Variants in PSMA3 observed in about 807,000 individuals in gnomAD.
PSMA3 encodes the protein proteasome 20S subunit alpha 3.
A neutral mutation model predicts 40.0 loss-of-function variants in PSMA3; 8 were observed. That is an observed-to-expected ratio of 0.20 (90% CI 0.12 to 0.36). The LOEUF (loss-of-function observed/expected upper bound fraction) is 0.36. PSMA3 is among the 10% of genes least tolerant of loss of function. The pLI, the probability that PSMA3 is intolerant of heterozygous loss-of-function variation, is 1.00. For synonymous variants in PSMA3, 110 were observed against 100.0 expected, an observed-to-expected ratio of 1.10 and a Z score of -0.59; for missense variants, 219 against 310.6, an observed-to-expected ratio of 0.70 and a Z score of 2.22.
intron 7 of PSMA3, chr14:58,265,055 G>A (rs527293850): frequency 6.6e-6 from 1 of 152,308 alleles, no homozygotes; most frequent in East Asian, 1.9e-4. Flanking sequence ...GAGCCCAGTA[G>A]TTCCAAGACC....
intron 5 of PSMA3, among the ~76,000 whole-genome samples, chr14:58,259,593 G>C (rs1890224523): frequency 6.6e-6 from 1 of 152,202 alleles, no homozygotes; most frequent in Non-Finnish European, 1.5e-5. Flanking sequence ...TTACAGGCGT[G>C]AGCCACCGCA....
intron 7 of PSMA3, among the ~76,000 whole-genome samples, chr14:58,264,462 A>G (rs767404452): frequency 2.6e-5 from 4 of 152,182 alleles, no homozygotes; most frequent in Non-Finnish European, 4.4e-5. Flanking sequence ...GCGTTGATCA[A>G]CTTAAAGACT....
intron 7 of PSMA3, 81 bp from the exon 8 acceptor site, chr14:58,267,393 T>A: frequency 1.5e-6 from 2 of 1,350,556 alleles, no homozygotes; most frequent in South Asian, 2.2e-5. Flanking sequence ...TGGTTTTATA[T>A]CTGAGTATAA....
intron 3 of PSMA3, among the ~76,000 whole-genome samples, chr14:58,255,628 G>A (rs930799656): frequency 1.3e-5 from 2 of 152,154 alleles, no homozygotes; most frequent in African/African-American, 4.8e-5. Flanking sequence ...AATTAGCCGG[G>A]CGTGGTGGCG....
At chr14:58,271,598 G>A (rs1311304745) in intron 10 of PSMA3, among the ~76,000 whole-genome samples, 1 of 152,074 alleles carries the variant, frequency 6.6e-6, no homozygotes, top group African/African-American at 2.4e-5. Flanking sequence ...CCCCCGTAAA[G>A]TGCTGGGATT....
intron 8 of PSMA3, chr14:58,270,204 T>C (rs1296014887): frequency 1.6e-6 from 1 of 644,712 alleles, no homozygotes. Context: ...ATTAGGTATA[T>C]TCAACATTTG....
rs1342086412 is a variant in PSMA3, at chr14:58,257,734, T to C, written c.229-11T>C. Reference sequence around the variant, plus strand: ...ATGTGTTCCTCTAGTAAATTGGTGCTTTTTTTTCAGGCAGTAGCAGGTTTG... The same window carrying C: ...ATGTGTTCCTCTAGTAAATTGGTGCCTTTTTTTCAGGCAGTAGCAGGTTTG... On this transcript the variant is annotated splice_polypyrimidine_tract_variant and intron_variant, in intron 3 of 10. Coordinates refer to ENST00000216455, the MANE Select transcript of PSMA3 (RefSeq NM_002788.4). 1.9e-6 allele frequency: 3 copies of C among 1,597,320 alleles called. No individual in the cohort carries two copies. The African/African-American group carries it at 4.0e-5, about 21-fold the overall frequency.
chr14:58,245,063 C>T, intron 1 of PSMA3, 122 bp downstream of exon 1: 2 of 1,274,690 alleles, frequency 1.6e-6, no homozygotes, highest in Non-Finnish European at 2.3e-6. Context: ...GCTGGGTGGG[C>T]CATTTGCAGC....
intron 9 of PSMA3, 122 bp from the exon 10 acceptor site, chr14:58,270,812 T>A (rs1885134): frequency 0.7 from 608,555 of 863,938 alleles, 217,921 homozygotes; most frequent in Middle Eastern, 0.85. Flanking sequence ...GTATTACTCA[T>A]AGTACAACTT....
chr14:58,255,352 CTT>C, intron 3 of PSMA3, among the ~76,000 whole-genome samples: 1 of 152,150 alleles, frequency 6.6e-6, no homozygotes, highest in East Asian at 1.9e-4. Flanking sequence ...ACAGTACTTA[CTT>C]TTTTTCACAG....
intron 1 of PSMA3, among the ~76,000 whole-genome samples, chr14:58,247,096 C>G (rs955802946): frequency 2.6e-5 from 4 of 152,186 alleles, no homozygotes; most frequent in Non-Finnish European, 5.9e-5. Flanking sequence ...TGCCAAATGT[C>G]AAGAAGACTT....
chr14:58,245,135 C>T (rs1889850913), intron 1 of PSMA3, 194 bp downstream of exon 1: 2 of 648,202 alleles, frequency 3.1e-6, no homozygotes, highest in African/African-American at 1.8e-5. Flanking sequence ...GTGACCGTGA[C>T]TCCTGAAGCT....
intron 5 of PSMA3, chr14:58,258,394 T>C (rs1163269258): frequency 7.7e-6 from 1 of 129,610 alleles, no homozygotes; most frequent in East Asian, 2.3e-4. Context: ...GCTGTGGCCA[T>C]ACCACTGTAC....
At chr14:58,270,873 C>T (rs1240714823) in intron 9 of PSMA3, 61 bp from the exon 10 acceptor site, 27 of 1,369,044 alleles carry the variant, frequency 2.0e-5, no homozygotes, top group African/African-American at 2.9e-5. Flanking sequence ...CTATGGTATA[C>T]TGCAAGTTAC....
intron 7 of PSMA3, chr14:58,267,261 C>G: frequency 1.1e-6 from 1 of 893,446 alleles, no homozygotes. Context: ...CTCGGCCTCC[C>G]AAAGTGCTGG....
intron 3 of PSMA3, among the ~76,000 whole-genome samples, chr14:58,252,893 C>G (rs1340874549): frequency 6.6e-6 from 1 of 150,958 alleles, no homozygotes; most frequent in Non-Finnish European, 1.5e-5. Context: ...GAGAATATCT[C>G]TATATTAGGT....
chr14:58,262,432 C>T (rs1890309807), intron 6 of PSMA3, among the ~76,000 whole-genome samples: 1 of 152,300 alleles, frequency 6.6e-6, no homozygotes, highest in African/African-American at 2.4e-5. Flanking sequence ...TCTCGAACTC[C>T]TGATCTCAAG....
At chr14:58,255,830 C>T (rs1890131521) in intron 3 of PSMA3, among the ~76,000 whole-genome samples, 1 of 152,208 alleles carries the variant, frequency 6.6e-6, no homozygotes, top group African/African-American at 2.4e-5. Flanking sequence ...GACCTCTCGG[C>T]ACATACATAG....
At chr14:58,259,030 C>T (rs567255363) in intron 5 of PSMA3, among the ~76,000 whole-genome samples, 3 of 152,246 alleles carry the variant, frequency 2.0e-5, no homozygotes, top group Admixed American at 1.3e-4. Context: ...CTGGCTCAAG[C>T]GATGCTCCTA....
Sources: allele counts gnomAD v4.1 joint callset (sites outside exome capture counted in the v4.1 genomes callset), GRCh38; gene constraint gnomAD v4.1.1; transcripts MANE v1.5; gene names NCBI Gene and HGNC (gene_info 2026-07-23, HGNC 2026-07-21).